Variants in RASGRP3 observed in about 807,000 individuals in gnomAD.
The protein encoded by RASGRP3 is ras guanyl-releasing protein 3.
A neutral mutation model predicts 82.7 loss-of-function variants in RASGRP3; 54 were observed. That is an observed-to-expected ratio of 0.65 (90% CI 0.52 to 0.82). The LOEUF (loss-of-function observed/expected upper bound fraction) is 0.82. Ranked by LOEUF, RASGRP3 falls within the 40% of genes least tolerant of loss-of-function variation. The pLI, the probability that RASGRP3 is intolerant of heterozygous loss-of-function variation, is 0.00. For synonymous variants in RASGRP3, 309 were observed against 300.5 expected, an observed-to-expected ratio of 1.03 and a Z score of -0.29; for missense variants, 861 against 828.9, an observed-to-expected ratio of 1.04 and a Z score of -0.48.
At chr2:33,479,405 A>G (rs1367296853) in intron 1 of RASGRP3, among the ~76,000 whole-genome samples, 1 of 141,696 alleles carries the variant, frequency 7.1e-6, no homozygotes, top group Admixed American at 6.8e-5. Context: ...CCTTTGGAGG[A>G]CAGCCACTCC....
intron 1 of RASGRP3, among the ~76,000 whole-genome samples, chr2:33,499,539 C>T (rs191085183): frequency 3.5e-4 from 53 of 152,210 alleles, no homozygotes; most frequent in Non-Finnish European, 5.4e-4. Flanking sequence ...GCCTGGGCAA[C>T]GGAGTGAGAC....
rs192994613 is a variant in RASGRP3 at position 33,493,998 on chromosome 2, A to G, written c.-261+17291A>G. Among the ~76,000 whole-genome samples, 122 of 152,254 alleles carry G rather than the reference A, an allele frequency of 8.0e-4. 1 individual carries two copies. Among genetic ancestry groups the G allele is most frequent in the African/African-American group, 2.9e-3 (119 of 41,558 alleles). On this transcript the variant is annotated intron_variant, in intron 1 of 17. Coordinates refer to ENST00000403687, the MANE Select transcript of RASGRP3 (RefSeq NM_001139488.2). ...CAGCCTACTGCCTCATATACTTTTTATGTCTTAGAGACCCCAGTATGAGTC... is the reference window on the plus strand; with the variant it reads ...CAGCCTACTGCCTCATATACTTTTTGTGTCTTAGAGACCCCAGTATGAGTC...
rs1672270625 is a variant in RASGRP3 at position 33,523,870 on chromosome 2, C to G, written c.517-9C>G. ...TATAATTCAGAGTCTCTGAATCTTC[C>G]TTTCCTAGTTCACTGATTACCAAAG... On this transcript the variant is annotated splice_polypyrimidine_tract_variant and intron_variant, in intron 7 of 17. Transcript: ENST00000403687. The G allele has an allele frequency of 6.3e-7, 1 of 1,597,896 alleles. No homozygotes were observed. Among genetic ancestry groups the G allele is most frequent in the African/African-American group, 1.3e-5 (1 of 74,644 alleles).
intron 1 of RASGRP3, among the ~76,000 whole-genome samples, chr2:33,437,414 A>G (rs1383818931): frequency 6.6e-6 from 1 of 152,202 alleles, no homozygotes; most frequent in Non-Finnish European, 1.5e-5. Flanking sequence ...GATGCACCAT[A>G]TTTGCATCCG....
At chr2:33,477,247 A>G (rs2150927191) in intron 1 of RASGRP3, among the ~76,000 whole-genome samples, 1 of 152,330 alleles carries the variant, frequency 6.6e-6, no homozygotes, top group Non-Finnish European at 1.5e-5. Flanking sequence ...AATATAGAAG[A>G]CTGACAAAAT....
At chr2:33,446,314 G>A (rs538923508) in intron 1 of RASGRP3, among the ~76,000 whole-genome samples, 3 of 152,004 alleles carry the variant, frequency 2.0e-5, no homozygotes, top group Non-Finnish European at 4.4e-5. Context: ...CCGCCACCAC[G>A]CCGGGCTAAT....
Position 33,562,836 on chromosome 2 carries a change from A to AAGAT in RASGRP3, c.*101_*104dup. ...TCTGACTCTCAGGAAGTTATCTGGA[A>AAGAT]AGATACCTGGATGTTTACTGCCTTG... On this transcript the variant is annotated 3_prime_UTR_variant, in exon 18 of 18. Coordinates refer to ENST00000403687, the MANE Select transcript of RASGRP3 (RefSeq NM_001139488.2). The AAGAT allele has an allele frequency of 2.7e-6, 4 of 1,460,736 alleles. No individual in the cohort carries two copies. Among genetic ancestry groups the AAGAT allele is most frequent in the East Asian group, 2.3e-5 (1 of 43,812 alleles). The allele number at this position is 1,460,736 out of a possible 1,614,324, so 90.5% of individuals were successfully genotyped here. A position where few individuals can be genotyped will look rare whatever the true frequency, so the allele number is the denominator to read the frequency against.
At chr2:33,536,681 C>T (rs912803150) in intron 11 of RASGRP3, among the ~76,000 whole-genome samples, 5 of 152,140 alleles carry the variant, frequency 3.3e-5, no homozygotes, top group Non-Finnish European at 4.4e-5. Flanking sequence ...GAATCTAACA[C>T]AAGACATTTC....
intron 2 of RASGRP3, among the ~76,000 whole-genome samples, chr2:33,453,853 A>G (rs1159456004): frequency 6.6e-6 from 1 of 152,226 alleles, no homozygotes; most frequent in Non-Finnish European, 1.5e-5. Flanking sequence ...TATGATAAAC[A>G]TATATGATTT....
At chr2:33,535,372 G>A (rs1483723743) in intron 11 of RASGRP3, among the ~76,000 whole-genome samples, 1 of 152,234 alleles carries the variant, frequency 6.6e-6, no homozygotes, top group Non-Finnish European at 1.5e-5. Context: ...AGGCTTGCAT[G>A]TTGAAGATAA....
Position 33,485,913 on chromosome 2 carries a change from C to A in RASGRP3, c.-261+9206C>A, listed in dbSNP as rs1668329727. On this transcript the variant is annotated intron_variant, in intron 1 of 17. Coordinates refer to ENST00000403687, the MANE Select transcript of RASGRP3 (RefSeq NM_001139488.2). Reference sequence around the variant, plus strand: ...TGAGACATGTGTCATGCATAAAATTCTGCAACTATTTGGAACACCATCTCA... The same window carrying A: ...TGAGACATGTGTCATGCATAAAATTATGCAACTATTTGGAACACCATCTCA... 3.3e-5 allele frequency among the ~76,000 whole-genome samples: 5 copies of A among 152,156 alleles called. No homozygotes were observed. In the South Asian group the frequency reaches 1.0e-3, roughly 32 times the overall value.
chr2:33,456,676 T>C (rs73926657), intron 2 of RASGRP3, among the ~76,000 whole-genome samples: 1 of 152,190 alleles, frequency 6.6e-6, no homozygotes, highest in African/African-American at 2.4e-5. Flanking sequence ...TTTGAGGTCT[T>C]GACATATTTA....
chr2:33,539,205 G>C lies in RASGRP3; in HGVS notation c.1273G>C (p.Val425Leu). 1 of 1,597,034 alleles carries C rather than the reference G, an allele frequency of 6.3e-7. No homozygotes were observed. The highest frequency in any genetic ancestry group is 8.6e-7 in the Non-Finnish European group (1 of 1,169,584). The change falls in exon 12 of 18, where the codon GTG (valine) becomes CTG (leucine). Residue 425 changes from valine to leucine, a missense_variant. Physicochemically the swap from Val to Leu is conservative, Grantham distance 32. Coordinates refer to ENST00000403687, the MANE Select transcript of RASGRP3 (RefSeq NM_001139488.2). Reference sequence around the variant, plus strand: ...CATCAACAAGCACATAAGGAAATTAGTGGAGGTAAGTGGTTGAGGGAGAAT... The same window carrying C: ...CATCAACAAGCACATAAGGAAATTACTGGAGGTAAGTGGTTGAGGGAGAAT... The part of the protein sequence containing the change: ...TVINKHIRKL[V>L]ESVFRNYDHD...
At chr2:33,448,441 A>G (rs1665615096) in intron 2 of RASGRP3, among the ~76,000 whole-genome samples, 1 of 152,240 alleles carries the variant, frequency 6.6e-6, no homozygotes, top group South Asian at 2.1e-4. Context: ...GAAGAGATAA[A>G]CAAAATGTGG....
chr2:33,469,028 C>T (rs1205721847), intron 2 of RASGRP3, among the ~76,000 whole-genome samples: 2 of 105,412 alleles, frequency 1.9e-5, no homozygotes, highest in Admixed American at 9.6e-5. Context: ...TGAGAATTTT[C>T]GTTTTTTCAT....
At chr2:33,534,095 C>A in intron 10 of RASGRP3, 5 of 519,570 alleles carry the variant, frequency 9.6e-6, no homozygotes, top group Non-Finnish European at 1.4e-5. Context: ...GTAAATATTG[C>A]TGAGGAATTG....
intron 1 of RASGRP3, among the ~76,000 whole-genome samples, chr2:33,488,557 C>T (rs748902560): frequency 6.6e-6 from 1 of 152,132 alleles, no homozygotes; most frequent in African/African-American, 2.4e-5. Context: ...AAAAAAAATG[C>T]CTGTGTTCAT....
At chr2:33,456,076 C>G (rs1407089340) in intron 2 of RASGRP3, among the ~76,000 whole-genome samples, 1 of 152,196 alleles carries the variant, frequency 6.6e-6, no homozygotes, top group Non-Finnish European at 1.5e-5. Context: ...CCTCTTCCCA[C>G]CAAAGTTACT....
chr2:33,528,013 G>A (rs1280924343), intron 10 of RASGRP3, among the ~76,000 whole-genome samples: 1 of 152,014 alleles, frequency 6.6e-6, no homozygotes, highest in Admixed American at 6.6e-5. Flanking sequence ...TCTGCTTCCT[G>A]GCCTTTGGAC....
Sources: allele counts gnomAD v4.1 joint callset (sites outside exome capture counted in the v4.1 genomes callset), GRCh38; gene constraint gnomAD v4.1.1; transcripts MANE v1.5; gene names NCBI Gene and HGNC (gene_info 2026-07-23, HGNC 2026-07-21).